CDKAL1: variants seen among roughly 807,000 people sequenced by gnomAD.
CDKAL1 encodes CDKAL1 threonylcarbamoyladenosine tRNA methylthiotransferase.
In CDKAL1, 32 loss-of-function variants were observed where a neutral mutation model predicts 68.2. That is an observed-to-expected ratio of 0.47 (90% CI 0.35 to 0.63). The LOEUF (loss-of-function observed/expected upper bound fraction) is 0.63, where lower values mean the gene tolerates loss of function less well. CDKAL1 is among the 30% of genes least tolerant of loss of function. The pLI, the probability that CDKAL1 is intolerant of heterozygous loss-of-function variation, is 0.00. For missense variants in CDKAL1, 606 were observed against 696.7 expected (o/e 0.87, Z 1.47); for synonymous variants, 234 against 244.3 (o/e 0.96, Z 0.39).
At chr6:20,659,869 A>T (rs1000881321) in intron 5 of CDKAL1, among the ~76,000 whole-genome samples, 10 of 152,072 alleles carry the variant, frequency 6.6e-5, no homozygotes, top group South Asian at 2.1e-4. Context: ...AAGGGTTTTT[A>T]AAAAAAATTT....
At chr6:20,836,446 C>T (rs961520607) in intron 8 of CDKAL1, among the ~76,000 whole-genome samples, 3 of 152,188 alleles carry the variant, frequency 2.0e-5, no homozygotes, top group Middle Eastern at 6.8e-3. Flanking sequence ...GAATCCAGGT[C>T]TTTCTTATGA....
intron 9 of CDKAL1, among the ~76,000 whole-genome samples, chr6:20,864,835 G>A (rs1391726701): frequency 3.9e-5 from 6 of 152,032 alleles, no homozygotes; most frequent in Non-Finnish European, 7.4e-5. Flanking sequence ...AAAGTTTATT[G>A]TACATGCTGC....
chr6:20,580,768 G>A (rs1765109147), intron 4 of CDKAL1, among the ~76,000 whole-genome samples: 1 of 151,586 alleles, frequency 6.6e-6, no homozygotes. Flanking sequence ...TTCAACTCAT[G>A]GTTAGGTTGG....
At chr6:20,653,491 G>A (rs1359266966) in intron 5 of CDKAL1, among the ~76,000 whole-genome samples, 1 of 151,978 alleles carries the variant, frequency 6.6e-6, no homozygotes, top group Non-Finnish European at 1.5e-5. Context: ...TCACCCTGTC[G>A]CCCAGGCTGA....
intron 4 of CDKAL1, among the ~76,000 whole-genome samples, chr6:20,590,921 G>A (rs1765565012): frequency 6.6e-6 from 1 of 152,136 alleles, no homozygotes; most frequent in Admixed American, 6.5e-5. Context: ...AGATCCTTGA[G>A]GAATTGCCAC....
chr6:21,102,885 G>C (rs1370683419), intron 12 of CDKAL1, among the ~76,000 whole-genome samples: 1 of 152,154 alleles, frequency 6.6e-6, no homozygotes, highest in Non-Finnish European at 1.5e-5. Context: ...CCAGTTGACA[G>C]GCTAACTACT....
At chr6:20,684,607 A>G (rs1162559788) in intron 5 of CDKAL1, among the ~76,000 whole-genome samples, 1 of 152,248 alleles carries the variant, frequency 6.6e-6, no homozygotes, top group Non-Finnish European at 1.5e-5. Flanking sequence ...ACTGTCTTCC[A>G]AGTGACTGTA....
rs1001491744 is a variant in CDKAL1 at position 21,212,849 on chromosome 6, GA to G, written c.1548+11576del. Among the ~76,000 whole-genome samples, 13 of 152,166 alleles carry G rather than the reference GA, an allele frequency of 8.5e-5. 1 individual carries two copies. Among genetic ancestry groups the G allele is most frequent in the Admixed American group, 7.9e-4 (12 of 15,276 alleles). ...CTGAATGCAATTCTATAAAATTATT[GA>G]GAAACAGAAATTTTCAATCCATATA... is the stretch of plus-strand genomic sequence containing the variant. On this transcript the variant is annotated intron_variant, in intron 15 of 15. Coordinates refer to ENST00000274695, the MANE Select transcript of CDKAL1 (RefSeq NM_017774.3).
intron 15 of CDKAL1, among the ~76,000 whole-genome samples, chr6:21,206,315 T>C (rs906721700): frequency 1.9e-4 from 29 of 152,180 alleles, no homozygotes; most frequent in African/African-American, 7.0e-4. Context: ...GTTTTAATTA[T>C]CTTCTCTGTG....
At chr6:20,773,315 G>T (rs534686641) in intron 7 of CDKAL1, among the ~76,000 whole-genome samples, 4 of 152,216 alleles carry the variant, frequency 2.6e-5, no homozygotes, top group Non-Finnish European at 4.4e-5. Flanking sequence ...TGTATATGAG[G>T]AATGATATTG....
At position 21,095,292 on chromosome 6, in the gene CDKAL1, A is replaced by G. The variant is rs145049353; in HGVS notation, c.1237-13109A>G. ...AGGACTTTAGCCTGCAGGAAGGTCT[A>G]TAAGTGGTGGACCTGAGGCATCACT... On this transcript the variant is annotated intron_variant, in intron 12 of 15. Coordinates refer to ENST00000274695, the MANE Select transcript of CDKAL1 (RefSeq NM_017774.3). 3.9e-3 allele frequency among the ~76,000 whole-genome samples: 599 copies of G among 152,320 alleles called. 13 individuals are homozygous for G. Among genetic ancestry groups the G allele is most frequent in the Non-Finnish European group, 6.2e-4 (42 of 68,036 alleles).
At chr6:21,170,790 A>C (rs1222276039) in intron 13 of CDKAL1, among the ~76,000 whole-genome samples, 1 of 152,072 alleles carries the variant, frequency 6.6e-6, no homozygotes, top group Non-Finnish European at 1.5e-5. Flanking sequence ...GCCGAGGAAG[A>C]CAGTAAGTAC....
At chr6:21,201,825 T>C (rs934844408) in intron 15 of CDKAL1, among the ~76,000 whole-genome samples, 14 of 152,198 alleles carry the variant, frequency 9.2e-5, no homozygotes, top group Non-Finnish European at 2.9e-5. Flanking sequence ...TTGGTAAATA[T>C]GGCCGTTTGC....
intron 9 of CDKAL1, among the ~76,000 whole-genome samples, chr6:20,912,870 C>G (rs1762527624): frequency 6.6e-6 from 1 of 151,962 alleles, no homozygotes; most frequent in African/African-American, 2.4e-5. Context: ...GTTGTTACAT[C>G]ATATTTACTG....
At chr6:20,631,585 G>A (rs1407134353) in intron 4 of CDKAL1, among the ~76,000 whole-genome samples, 3 of 152,134 alleles carry the variant, frequency 2.0e-5, no homozygotes, top group Non-Finnish European at 2.9e-5. Flanking sequence ...AATTAATGGT[G>A]TATTCCTTTA....
chr6:20,576,114 A>G (rs539098312), intron 4 of CDKAL1, among the ~76,000 whole-genome samples: 1 of 152,344 alleles, frequency 6.6e-6, no homozygotes, highest in South Asian at 2.1e-4. Flanking sequence ...GGAAAAATGA[A>G]CATTCCAAAA....
At chr6:21,213,277 C>T (rs1039508519) in intron 15 of CDKAL1, among the ~76,000 whole-genome samples, 3 of 152,130 alleles carry the variant, frequency 2.0e-5, no homozygotes, top group East Asian at 1.9e-4. Context: ...AAGCCCTGAA[C>T]GCTGCCTGAC....
At chr6:20,927,925 CTTCA>C (rs1251205277) in intron 9 of CDKAL1, among the ~76,000 whole-genome samples, 1 of 152,092 alleles carries the variant, frequency 6.6e-6, no homozygotes, top group African/African-American at 2.4e-5. Flanking sequence ...TATAATTTGA[CTTCA>C]TTATCATTTG....
In CDKAL1 at chr6:20,665,949, A is replaced by AC. The variant is rs34184260; in HGVS notation, c.371+16579dup. On this transcript the variant is annotated intron_variant, in intron 5 of 15. Transcript: ENST00000274695. ...CTTCGGCCTGCTTAATGGCAGTTGC[A>AC]CCCCCCCAATTAGTATTATATCCAA... Among the ~76,000 whole-genome samples, 1,052 of 151,696 alleles carry AC rather than the reference A, an allele frequency of 6.9e-3. 38 individuals are homozygous for AC. The highest frequency in any genetic ancestry group is 0.055 in the Admixed American group (842 of 15,222).
Sources: allele counts gnomAD v4.1 joint callset (sites outside exome capture counted in the v4.1 genomes callset), GRCh38; gene constraint gnomAD v4.1.1; transcripts MANE v1.5; gene names NCBI Gene and HGNC (gene_info 2026-07-23, HGNC 2026-07-21).